Variants in ILDR1 observed in about 807,000 individuals in gnomAD.
The protein encoded by ILDR1 is immunoglobulin-like domain-containing receptor 1.
In ILDR1, 56 loss-of-function variants were observed where a neutral mutation model predicts 62.4. That is an observed-to-expected ratio of 0.90 (90% confidence interval 0.72 to 1.12). ILDR1 has a LOEUF of 1.12. Ranked by LOEUF, ILDR1 falls within the 50% of genes most tolerant of loss-of-function variation. The pLI, the probability that ILDR1 is intolerant of heterozygous loss-of-function variation, is 0.00. For missense variants in ILDR1, 736 were observed against 710.6 expected (o/e 1.04, Z -0.41); for synonymous variants, 284 against 277.8 (o/e 1.02, Z -0.22).
Position 122,001,804 on chromosome 3 carries a change from A to G in ILDR1, c.440T>C (p.Ile147Thr), listed in dbSNP as rs760286578. The change falls in exon 4 of 8, where the codon ATT becomes ACT. Residue 147 changes from isoleucine (I) to threonine (T), a missense_variant. Physicochemically the swap from Ile to Thr is moderately conservative, Grantham distance 89. Coordinates refer to ENST00000344209, the MANE Select transcript of ILDR1 (RefSeq NM_001199799.2). ...TCCTGATGTGTCCCCTGGAGCCTCAATGGTGCAGTAATACACTCCATGGTC... is the reference window on the plus strand; with the variant it reads ...TCCTGATGTGTCCCCTGGAGCCTCAGTGGTGCAGTAATACACTCCATGGTC... ...WWDHGVYYCT[I>T]EAPGDTSGDP... 1.8e-5 allele frequency: 29 copies of G among 1,613,398 alleles called. No individual in the cohort carries two copies. The highest frequency in any genetic ancestry group is 3.4e-4 in the Middle Eastern group (2 of 5,810).
the ILDR1 span, among the ~76,000 whole-genome samples, chr3:122,050,223 G>C: frequency 0.085 from 12,963 of 152,128 alleles, 600 homozygotes; most frequent in African/African-American, 0.098. Context: ...ATTCAACTGT[G>C]CTATGTCATT....
the ILDR1 span, among the ~76,000 whole-genome samples, chr3:122,046,649 C>T: frequency 0.085 from 12,853 of 150,976 alleles, 622 homozygotes; most frequent in African/African-American, 0.099. Flanking sequence ...AACTTTCCTT[C>T]TCGCTTCATT....
rs780885988 is a variant in ILDR1 at position 122,005,239 on chromosome 3, C to A, written c.379+5G>T. ...CAGTTCCCCTGACACCTCCCCCGCA[C>A]TCACGGTTCTGGATGGTGATCTTGC... On this transcript the variant is annotated splice_donor_5th_base_variant and intron_variant, in intron 3 of 7. Coordinates refer to ENST00000344209, the MANE Select transcript of ILDR1 (RefSeq NM_001199799.2). The A allele has an allele frequency of 8.1e-6, 13 of 1,603,584 alleles. No homozygotes were observed. The Admixed American group carries it at 1.0e-4, about 12-fold the overall frequency.
chr3:122,001,225 T>G (rs767374098), intron 5 of ILDR1, 83 bp downstream of exon 5: 54 of 1,492,064 alleles, frequency 3.6e-5, no homozygotes, highest in Non-Finnish European at 4.8e-5. Context: ...TGGAAGAATC[T>G]TTGACCTGGC....
chr3:122,055,248 G>A, the ILDR1 span: 17 of 479,212 alleles, frequency 3.5e-5, no homozygotes, highest in Middle Eastern at 5.4e-4. Context: ...ATAGACCTAC[G>A]TCAATGAGTT....
chr3:121,988,988 A>C, intron 7 of ILDR1, among the ~76,000 whole-genome samples: 1 of 152,082 alleles, frequency 6.6e-6, no homozygotes, highest in East Asian at 1.9e-4. Flanking sequence ...GTGAGGGTGA[A>C]GAACTGTGGT....
At chr3:122,018,764 A>T (rs1435937534) in intron 1 of ILDR1, among the ~76,000 whole-genome samples, 1 of 152,158 alleles carries the variant, frequency 6.6e-6, no homozygotes, top group African/African-American at 2.4e-5. Context: ...GAGCTCTGGG[A>T]TTCTGGGGAG....
chr3:122,011,677 T>TCACACA (rs10530548), intron 1 of ILDR1, among the ~76,000 whole-genome samples: 3 of 133,236 alleles, frequency 2.3e-5, no homozygotes, highest in Admixed American at 7.6e-5. Flanking sequence ...TCTCTCTCTT[T>TCACACA]CACACACACA....
chr3:122,022,347 T>G, upstream of ILDR1: 5 of 379,660 alleles, frequency 1.3e-5, no homozygotes, highest in East Asian at 4.6e-5. Flanking sequence ...TGCGGCCACC[T>G]TCCCTACCTG....
At chr3:122,024,693 T>C (rs1319519384), upstream of ILDR1, among the ~76,000 whole-genome samples, 2 of 152,232 alleles carry the variant, frequency 1.3e-5, no homozygotes, top group Admixed American at 6.5e-5. Flanking sequence ...AGGGCTATTA[T>C]TATCAATCCC....
At chr3:122,040,742 A>G in the ILDR1 span, among the ~76,000 whole-genome samples, 1 of 151,364 alleles carries the variant, frequency 6.6e-6, no homozygotes, top group Non-Finnish European at 1.5e-5. Context: ...AAAAAGAAAA[A>G]AAAAAAACAA....
chr3:122,005,509 T>A, intron 2 of ILDR1, 116 bp from the exon 3 acceptor site: 10 of 1,077,472 alleles, frequency 9.3e-6, no homozygotes, highest in Non-Finnish European at 1.4e-5. Flanking sequence ...TTCCCAAGAC[T>A]ATTCATCCCT....
the ILDR1 span, among the ~76,000 whole-genome samples, chr3:122,049,688 A>C: frequency 1.6e-4 from 24 of 152,182 alleles, no homozygotes; most frequent in Non-Finnish European, 3.2e-4. Context: ...GAATGTCCCC[A>C]AAAATTCATG....
intron 1 of ILDR1, among the ~76,000 whole-genome samples, chr3:122,009,158 TA>T (rs1292655391): frequency 6.6e-6 from 1 of 151,670 alleles, no homozygotes; most frequent in Non-Finnish European, 1.5e-5. Context: ...CTTGAACTCC[TA>T]ACCTCAAGCA....
At chr3:122,061,643 A>ACTAC in the ILDR1 span, among the ~76,000 whole-genome samples, 3 of 152,230 alleles carry the variant, frequency 2.0e-5, no homozygotes, top group Non-Finnish European at 4.4e-5. Context: ...AAATTAAACC[A>ACTAC]CTACCTACCT....
chr3:122,018,506 C>T (rs536002391), intron 1 of ILDR1, among the ~76,000 whole-genome samples: 4 of 152,092 alleles, frequency 2.6e-5, no homozygotes, highest in African/African-American at 7.2e-5. Context: ...CAAAAGTGCA[C>T]GTTCTGCACA....
chr3:122,040,737 G>GAA, the ILDR1 span, among the ~76,000 whole-genome samples: 12 of 124,816 alleles, frequency 9.6e-5, no homozygotes, highest in Non-Finnish European at 1.9e-4. Context: ...AAAAAAAAAA[G>GAA]AAAAAAAAAA....
At chr3:121,990,728 G>A (rs1184261064) in intron 7 of ILDR1, among the ~76,000 whole-genome samples, 21 of 152,068 alleles carry the variant, frequency 1.4e-4, no homozygotes, top group Admixed American at 1.4e-3. Context: ...GGGACTACGG[G>A]TACATGCCAC....
intron 3 of ILDR1, among the ~76,000 whole-genome samples, chr3:122,003,446 C>G (rs868451527): frequency 2.0e-5 from 3 of 152,178 alleles, no homozygotes; most frequent in Admixed American, 6.5e-5. Flanking sequence ...TTTTAAAAAA[C>G]TCCCCCTCAG....
Sources: gnomAD v4.1 joint callset for allele counts (sites outside exome capture counted in the v4.1 genomes callset) on GRCh38, gnomAD v4.1.1 for gene constraint, MANE v1.5 for transcripts, NCBI Gene and HGNC (gene_info 2026-07-23, HGNC 2026-07-21) for gene names.